SH3BP2: variants seen among roughly 807,000 people sequenced by gnomAD.
The protein encoded by SH3BP2 is SH3 domain-binding protein 2.
In SH3BP2, 38 loss-of-function variants were observed where a neutral mutation model predicts 56.2. That is an observed-to-expected ratio of 0.68 (90% CI 0.52 to 0.89). The LOEUF (loss-of-function observed/expected upper bound fraction) is 0.89. SH3BP2 is among the 40% of genes least tolerant of loss of function. SH3BP2 has a pLI of 0.00. For missense variants in SH3BP2, 748 were observed against 762.6 expected (o/e 0.98, Z 0.23); for synonymous variants, 346 against 316.7 (o/e 1.09, Z -0.98).
In SH3BP2 at chr4:2,839,126, A is replaced by G. The variant is rs1034015490; in HGVS notation, c.*5292A>G. 6.7e-6 allele frequency: 1 copy of G among 149,972 alleles called. No homozygotes were observed. Among genetic ancestry groups the G allele is most frequent in the Non-Finnish European group, 1.5e-5 (1 of 67,522 alleles). The allele number at this position is 149,972 out of a possible 1,614,324, so 9.3% of individuals were successfully genotyped here. On this transcript the variant is annotated 3_prime_UTR_variant, in exon 13 of 13. Coordinates refer to ENST00000503393, the MANE Select transcript of SH3BP2 (RefSeq NM_001122681.2). ...TGATTTTGTCTCCTGTGAAGTGTCT[A>G]TCATCTTTTGCCCATTTTTTAACTT...
At chr4:2,824,500 C>T (rs1724483474) in intron 3 of SH3BP2, 113 bp from the exon 4 acceptor site, 1 of 828,116 alleles carries the variant, frequency 1.2e-6, no homozygotes, top group South Asian at 1.4e-5. Context: ...CCGATCTGCC[C>T]TCTTCCGTTG....
At chr4:2,827,882 CCA>C (rs1353091312) in intron 7 of SH3BP2, among the ~76,000 whole-genome samples, 1 of 152,160 alleles carries the variant, frequency 6.6e-6, no homozygotes, top group Non-Finnish European at 1.5e-5. Context: ...CTCCCACCTC[CCA>C]GGAGGAGGGA....
intron 1 of SH3BP2, among the ~76,000 whole-genome samples, chr4:2,815,391 A>G (rs1434760662): frequency 1.3e-5 from 2 of 152,202 alleles, no homozygotes; most frequent in East Asian, 3.8e-4. Context: ...TGCCCTTGTC[A>G]TGACCTGTCC....
intron 1 of SH3BP2, among the ~76,000 whole-genome samples, chr4:2,813,835 G>T (rs996883045): frequency 1.3e-5 from 2 of 152,314 alleles, no homozygotes; most frequent in South Asian, 4.1e-4. Context: ...GTGTATATAT[G>T]TGTTAGTGTG....
intron 8 of SH3BP2, among the ~76,000 whole-genome samples, chr4:2,830,587 T>A (rs1299013939): frequency 6.6e-6 from 1 of 152,252 alleles, no homozygotes; most frequent in Non-Finnish European, 1.5e-5. Flanking sequence ...GGTCTTGAAC[T>A]CCTGGTCTCA....
intron 1 of SH3BP2, among the ~76,000 whole-genome samples, chr4:2,816,044 T>C (rs545096333): frequency 6.6e-6 from 1 of 152,326 alleles, no homozygotes; most frequent in East Asian, 1.9e-4. Context: ...ACCTTGCTGC[T>C]CATTTATTCT....
At chr4:2,802,391 C>G (rs1204652370) in intron 1 of SH3BP2, among the ~76,000 whole-genome samples, 1 of 140,076 alleles carries the variant, frequency 7.1e-6, no homozygotes. Context: ...GAGACTCTGT[C>G]TCAAAAAAAT....
intron 1 of SH3BP2, among the ~76,000 whole-genome samples, chr4:2,800,898 C>CA (rs1342012041): frequency 1.3e-5 from 2 of 152,150 alleles, no homozygotes; most frequent in African/African-American, 4.8e-5. Context: ...CGAGGTAGGG[C>CA]ATGGGTGGCC....
chr4:2,798,069 C>T (rs976975290), intron 1 of SH3BP2, among the ~76,000 whole-genome samples: 5 of 152,134 alleles, frequency 3.3e-5, no homozygotes, highest in African/African-American at 1.2e-4. Flanking sequence ...CTTCCCCCTG[C>T]GGGCTGCGCT....
rs1167044734 is a variant in SH3BP2 at position 2,830,150 on chromosome 4, G to C, written c.1241+3G>C. 1 of 1,598,578 alleles carries C rather than the reference G, an allele frequency of 6.3e-7. No individual in the cohort carries two copies. Among genetic ancestry groups the C allele is most frequent in the Non-Finnish European group, 8.5e-7 (1 of 1,179,100 alleles). ...AAGCCGCAGCTCCCGCACCTCCAGT[G>C]AGTTTGTGTGGCGGCTGCAAGCCCT... On this transcript the variant is annotated splice_donor_region_variant and intron_variant, in intron 8 of 12. Coordinates refer to ENST00000503393, the MANE Select transcript of SH3BP2 (RefSeq NM_001122681.2).
intron 1 of SH3BP2, among the ~76,000 whole-genome samples, chr4:2,800,549 GC>G (rs34241051): frequency 0.3 from 45,097 of 148,442 alleles, 8,422 homozygotes; most frequent in African/African-American, 0.54. Flanking sequence ...TCCTGTGACC[GC>G]CCCCCCCCCG....
In SH3BP2 at chr4:2,833,825, G is replaced by T; in HGVS notation, c.1677G>T (p.Gly559=). 6.4e-7 allele frequency: 1 copy of T among 1,573,494 alleles called. No individual in the cohort carries two copies. The change falls in exon 13 of 13, where the codon GGG becomes GGT. Residue 559 remains glycine, a synonymous_variant. Coordinates refer to ENST00000503393, the MANE Select transcript of SH3BP2 (RefSeq NM_001122681.2). ...TGCGGCACCCCTACGGCTACACTGG[G>T]CCTAGGTGATGGCAGTCCATGTGGC... is the stretch of plus-strand genomic sequence containing the variant. ...LLLRHPYGYT[G]PR
intron 1 of SH3BP2, chr4:2,799,352 C>T: frequency 2.1e-6 from 2 of 961,964 alleles, no homozygotes; most frequent in East Asian, 1.2e-4. Flanking sequence ...GGGCAGTGGC[C>T]ACCTCTGAGC....
chr4:2,817,788 A>C (rs1724065734), intron 1 of SH3BP2: 1 of 152,124 alleles, frequency 6.6e-6, no homozygotes, highest in African/African-American at 2.4e-5. Context: ...CACGTGCCCG[A>C]TCCCTTGCCC....
In SH3BP2 at chr4:2,831,352, C is replaced by T. The variant is rs1560112395; in HGVS notation, c.1242-219C>T. On this transcript the variant is annotated intron_variant, in intron 8 of 12. Transcript: ENST00000503393. The surrounding 1 kb of genome is among the most constrained non-coding windows in gnomAD (Gnocchi z 4.1). Reference sequence around the variant, plus strand: ...TCCCTTGCCAGCATCCATGGCAGCCCTGACCCCTGACTCCGGTGTCGGGCG... The same window carrying T: ...TCCCTTGCCAGCATCCATGGCAGCCTTGACCCCTGACTCCGGTGTCGGGCG... Among the ~76,000 whole-genome samples the T allele has an allele frequency of 6.6e-6, 1 of 152,202 alleles. No individual in the cohort carries two copies. The highest frequency in any genetic ancestry group is 1.5e-5 in the Non-Finnish European group (1 of 68,034).
rs749035089 is a variant in SH3BP2 at position 2,820,687 on chromosome 4, C to G, written c.70C>G (p.Pro24Ala). Reference protein sequence around the residue: ...AIGAQNLLTMPGGVAKAGYLH... With the variant: ...AIGAQNLLTMAGGVAKAGYLH... ...TGGTGCCCAGAACCTGCTAACCATG[C>G]CTGGGGGCGTGGCCAAGGCTGGCTA... Residue 24 changes from proline (P) to alanine (A), a missense_variant, in exon 2 of 13, where the codon CCT becomes GCT. This residue lies in a region of SH3BP2 where 104 missense variants were observed against 123.1 expected (regional missense o/e 0.84). Coordinates refer to ENST00000503393, the MANE Select transcript of SH3BP2 (RefSeq NM_001122681.2). 8 of 1,614,002 alleles carry G rather than the reference C, an allele frequency of 5.0e-6. No individual in the cohort carries two copies. In the South Asian group the frequency reaches 7.7e-5, roughly 16 times the overall value.
intron 1 of SH3BP2, among the ~76,000 whole-genome samples, chr4:2,799,558 C>A (rs1202942687): frequency 6.6e-6 from 1 of 152,192 alleles, no homozygotes; most frequent in African/African-American, 2.4e-5. Flanking sequence ...GACCCCCAAC[C>A]CCCACCTCTG....
rs571093497 is a variant in SH3BP2 at position 2,810,066 on chromosome 4, AG to A, written c.-4-10544del. On this transcript the variant is annotated intron_variant, in intron 1 of 12. Coordinates refer to ENST00000503393, the MANE Select transcript of SH3BP2 (RefSeq NM_001122681.2). The surrounding 1 kb of genome is among the most constrained non-coding windows in gnomAD (Gnocchi z 4.2). Reference sequence around the variant, plus strand: ...TGTCAAGGAGTGGCCATGGCTGAGGAGGGGAGAATGGCCTGTGTTTAGGAAT... The same window carrying A: ...TGTCAAGGAGTGGCCATGGCTGAGGAGGGAGAATGGCCTGTGTTTAGGAAT... Among the ~76,000 whole-genome samples, 3 of 152,284 alleles carry A rather than the reference AG, an allele frequency of 2.0e-5. No homozygotes were observed. Among genetic ancestry groups the A allele is most frequent in the South Asian group, 4.1e-4 (2 of 4,826 alleles).
At chr4:2,827,886 G>A (rs1004215775) in intron 7 of SH3BP2, among the ~76,000 whole-genome samples, 4 of 152,194 alleles carry the variant, frequency 2.6e-5, no homozygotes, top group African/African-American at 9.6e-5. Flanking sequence ...CACCTCCCAG[G>A]AGGAGGGACA....
Sources: gnomAD v4.1 joint callset for allele counts (sites outside exome capture counted in the v4.1 genomes callset) on GRCh38, gnomAD v4.1.1 for gene constraint, gnomAD v4.1.1 regional missense constraint, Gnocchi (gnomAD v3.1) non-coding constraint, MANE v1.5 for transcripts, NCBI Gene and HGNC (gene_info 2026-07-23, HGNC 2026-07-21) for gene names.